AMPH: variants seen among roughly 807,000 people sequenced by gnomAD.
AMPH encodes the protein amphiphysin (Stiff-Mann syndrome with breast cancer 128kD autoantigen).
AMPH carries 49 observed loss-of-function variants against 99.1 expected under a neutral mutation model. The observed-to-expected ratio is 0.49, with a 90% confidence interval of 0.39 to 0.63. AMPH has a LOEUF of 0.63. Ranked by LOEUF, AMPH falls within the 20% of genes least tolerant of loss-of-function variation. AMPH has a pLI of 0.00. For synonymous variants in AMPH, 314 were observed against 317.3 expected (o/e 0.99, Z 0.11); for missense variants, 759 against 863.4 (o/e 0.88, Z 1.52).
Position 38,462,977 on chromosome 7 carries a change from G to A in AMPH, c.886C>T (p.Gln296Ter). The A allele has an allele frequency of 6.4e-7, 1 of 1,570,356 alleles. No individual in the cohort carries two copies. The highest frequency in any genetic ancestry group is 8.6e-7 in the Non-Finnish European group (1 of 1,159,066). ...PAPARPRSPSQTRKGPPVPPL... is the reference protein window; with the variant it reads ...PAPARPRSPS The stretch of plus-strand genomic sequence containing the variant: ...CAATATATTTGACCTCTTCCTACCT[G>A]TGAAGGTGACCGAGGCCGTGCTGGT... Residue 296 changes from glutamine (Q) to a stop codon, truncating the protein, a stop_gained and splice_region_variant, in exon 10 of 21, where the codon CAG (glutamine) becomes TAG (stop). Transcript: ENST00000356264. LOFTEE classifies it high-confidence loss of function.
Position 38,510,512 on chromosome 7 carries a change from G to C in AMPH, c.151-6808C>G, listed in dbSNP as rs1382462498. Among the ~76,000 whole-genome samples, 4 of 152,104 alleles carry C rather than the reference G, an allele frequency of 2.6e-5. No individual in the cohort carries two copies. In the South Asian group the frequency reaches 6.2e-4, roughly 24 times the overall value. The stretch of plus-strand genomic sequence containing the variant: ...CTACTGAGTGGCCACTTTGATCCAG[G>C]CATGGTTCTAAGTTTCACAATTCTG... On this transcript the variant is annotated intron_variant, in intron 2 of 20. Transcript: ENST00000356264.
At chr7:38,404,074 G>A (rs7782444) in intron 17 of AMPH, among the ~76,000 whole-genome samples, 2,395 of 152,194 alleles carry the variant, frequency 0.016, 59 homozygotes, top group African/African-American at 0.055. Flanking sequence ...AGCCACCAGA[G>A]AGGTCCTTTC....
intron 2 of AMPH, among the ~76,000 whole-genome samples, chr7:38,519,480 C>G (rs1464932565): frequency 6.6e-6 from 1 of 152,126 alleles, no homozygotes; most frequent in Non-Finnish European, 1.5e-5. Flanking sequence ...AGAGAATAGT[C>G]TTACTCCAAA....
In AMPH at chr7:38,568,076, C is replaced by T. The variant is rs370221274; in HGVS notation, c.70-33065G>A. Among the ~76,000 whole-genome samples, 16 of 152,274 alleles carry T rather than the reference C, an allele frequency of 1.1e-4. No homozygotes were observed. The East Asian group carries it at 1.5e-3, about 15-fold the overall frequency. ...AATTTAACTTTTCCAAGTGTCTTCACGCTCCCCAAGCTTTTAAGAAACACT... is the reference window on the plus strand; with the variant it reads ...AATTTAACTTTTCCAAGTGTCTTCATGCTCCCCAAGCTTTTAAGAAACACT... On this transcript the variant is annotated intron_variant, in intron 1 of 20. Transcript: ENST00000356264.
intron 1 of AMPH, among the ~76,000 whole-genome samples, chr7:38,610,329 A>G (rs1562860462): frequency 2.4e-5 from 1 of 41,540 alleles, no homozygotes; most frequent in Non-Finnish European, 4.7e-5. Context: ...AAGAAAAGAA[A>G]AGAAAAAAGA....
At chr7:38,630,490 A>G (rs2129074465) in intron 1 of AMPH, among the ~76,000 whole-genome samples, 1 of 152,364 alleles carries the variant, frequency 6.6e-6, no homozygotes, top group African/African-American at 2.4e-5. Flanking sequence ...TTGCAAAACA[A>G]CAGAGAACCC....
At chr7:38,599,801 A>T (rs1032945678) in intron 1 of AMPH, among the ~76,000 whole-genome samples, 2 of 151,386 alleles carry the variant, frequency 1.3e-5, no homozygotes, top group Non-Finnish European at 2.9e-5. Flanking sequence ...AAATATTTTA[A>T]ATATTTATGT....
intron 17 of AMPH, among the ~76,000 whole-genome samples, chr7:38,416,043 C>G (rs540420341): frequency 6.9e-6 from 1 of 145,480 alleles, no homozygotes; most frequent in African/African-American, 2.5e-5. Flanking sequence ...GGTGCCTGTG[C>G]CACAGGGTGT....
intron 7 of AMPH, among the ~76,000 whole-genome samples, chr7:38,467,426 T>G (rs1447298308): frequency 6.6e-6 from 1 of 152,168 alleles, no homozygotes; most frequent in East Asian, 1.9e-4. Context: ...GTACTTTGAG[T>G]GGCAACTCAT....
chr7:38,385,508 A>G (rs1784327325), intron 20 of AMPH, among the ~76,000 whole-genome samples: 1 of 152,234 alleles, frequency 6.6e-6, no homozygotes, highest in South Asian at 2.1e-4. Context: ...CTCATCAAAT[A>G]CTAAAAGCTA....
intron 17 of AMPH, among the ~76,000 whole-genome samples, chr7:38,413,079 G>C (rs775202814): frequency 4.6e-5 from 7 of 152,114 alleles, no homozygotes; most frequent in Admixed American, 1.3e-4. Context: ...ACATGCTTCT[G>C]CTTATTTGCT....
chr7:38,388,775 G>A (rs1191832347), intron 20 of AMPH, among the ~76,000 whole-genome samples: 2 of 151,912 alleles, frequency 1.3e-5, no homozygotes, highest in Non-Finnish European at 2.9e-5. Flanking sequence ...GAGTAGCTAG[G>A]ACTACAGGTG....
At chr7:38,570,110 G>A (rs1478349994) in intron 1 of AMPH, among the ~76,000 whole-genome samples, 1 of 152,126 alleles carries the variant, frequency 6.6e-6, no homozygotes, top group African/African-American at 2.4e-5. Flanking sequence ...GGAGGCCCAG[G>A]ACTCCAAGTC....
chr7:38,466,286 G>A, intron 7 of AMPH, 38 bp from the exon 8 acceptor site: 1 of 1,477,950 alleles, frequency 6.8e-7, no homozygotes, highest in Admixed American at 2.2e-5. Context: ...GAAGAGAGAG[G>A]GAAAGACCAG....
intron 1 of AMPH, among the ~76,000 whole-genome samples, chr7:38,556,768 G>A (rs576814219): frequency 6.6e-6 from 1 of 152,220 alleles, no homozygotes; most frequent in South Asian, 2.1e-4. Flanking sequence ...GAGGGAAAGG[G>A]CTTTGTCTGG....
At chr7:38,392,110 C>T (rs1784517844) in intron 18 of AMPH, 93 bp from the exon 19 acceptor site, 2 of 1,316,720 alleles carry the variant, frequency 1.5e-6, no homozygotes, top group Non-Finnish European at 2.1e-6. Context: ...CAGCCCAAAG[C>T]TGGGGCTGCC....
At chr7:38,496,231 G>T (rs1429268766) in intron 3 of AMPH, among the ~76,000 whole-genome samples, 1 of 152,168 alleles carries the variant, frequency 6.6e-6, no homozygotes, top group East Asian at 1.9e-4. Context: ...GCTAATTCTG[G>T]GTTCAACTGT....
chr7:38,558,299 A>G (rs1791436192), intron 1 of AMPH, among the ~76,000 whole-genome samples: 1 of 152,202 alleles, frequency 6.6e-6, no homozygotes, highest in Non-Finnish European at 1.5e-5. Flanking sequence ...TGGGGCTGCC[A>G]TATACCAGGG....
chr7:38,612,700 G>A (rs1366334691), intron 1 of AMPH, among the ~76,000 whole-genome samples: 1 of 152,188 alleles, frequency 6.6e-6, no homozygotes. Context: ...GTACCCGAGA[G>A]CCAGTAGATG....
Sources: allele counts gnomAD v4.1 joint callset (sites outside exome capture counted in the v4.1 genomes callset), GRCh38; gene constraint gnomAD v4.1.1; transcripts MANE v1.5; gene names NCBI Gene and HGNC (gene_info 2026-07-23, HGNC 2026-07-21).